The following CMTM4 variants were observed in gnomAD, a reference collection of about 807,000 sequenced individuals.
The protein encoded by CMTM4 is CKLF-like MARVEL transmembrane domain-containing protein 4.
A neutral mutation model predicts 19.0 loss-of-function variants in CMTM4; 8 were observed. The ratio of observed to expected loss-of-function variants is 0.42; its 90% CI spans 0.25 to 0.76. CMTM4 has a LOEUF of 0.76. Among genes scored for constraint, CMTM4 ranks in the 30% least tolerant of loss-of-function variants. CMTM4 has a pLI of 0.27. For synonymous variants in CMTM4, 106 were observed against 121.1 expected (o/e 0.88, Z 0.82); for missense variants, 228 against 290.2 (o/e 0.79, Z 1.56).
chr16:66,641,169 C>T (rs1018338392), intron 1 of CMTM4, among the ~76,000 whole-genome samples: 3 of 152,248 alleles, frequency 2.0e-5, no homozygotes, highest in Admixed American at 6.5e-5. Flanking sequence ...CTCAAACTTT[C>T]GAGTAGCTGG....
chr16:66,696,238 G>A lies in CMTM4; in HGVS notation c.186+102C>T. The A allele has an allele frequency of 4.7e-6, 4 of 848,646 alleles. No homozygotes were observed. Among genetic ancestry groups the A allele is most frequent in the Non-Finnish European group, 6.2e-6 (4 of 641,812 alleles). 52.6% of individuals were successfully genotyped at this position (848,646 alleles called of 1,614,324 possible). On this transcript the variant is annotated intron_variant, in intron 1 of 3. Transcript: ENST00000394106. The surrounding 1 kb of genome is among the most constrained non-coding windows in gnomAD (Gnocchi z 4.3). ...GAGGGGGCGCGAGGAGCGGGCTCCG[G>A]CCTGGGCAAGCGGGTACGCGGCGGA...
chr16:66,666,429 G>C (rs763716165), intron 1 of CMTM4, among the ~76,000 whole-genome samples: 55 of 152,010 alleles, frequency 3.6e-4, no homozygotes, highest in Non-Finnish European at 7.1e-4. Context: ...CTCCAGCCTG[G>C]GCGACAGAGC....
In CMTM4 at chr16:66,659,792, G is replaced by A. The variant is rs183690847; in HGVS notation, c.187-23211C>T. ...TATTACAACAAAAAAGGAGGGGAGC[G>A]TTGATTAAACAAAAATGCAAAATGG... On this transcript the variant is annotated intron_variant, in intron 1 of 3. Transcript: ENST00000394106. Among the ~76,000 whole-genome samples the A allele has an allele frequency of 5.2e-3, 796 of 152,264 alleles. 4 individuals carry two copies. Among genetic ancestry groups the A allele is most frequent in the Non-Finnish European group, 9.0e-3 (610 of 68,010 alleles).
chr16:66,619,448 C>T lies in CMTM4; in HGVS notation c.*2610G>A. 2 of 985,444 alleles carry T rather than the reference C, an allele frequency of 2.0e-6. No individual in the cohort carries two copies. Among genetic ancestry groups the T allele is most frequent in the Non-Finnish European group, 2.4e-6 (2 of 829,940 alleles). 61.0% of individuals were successfully genotyped at this position (985,444 alleles called of 1,614,324 possible). ...CGTCCCACCAGAACACTGAGAAAAA[C>T]TAAGGTCGCTCAGCCTTCAAATGCC... is the stretch of plus-strand genomic sequence containing the variant. On this transcript the variant is annotated 3_prime_UTR_variant, in exon 4 of 4. Coordinates refer to ENST00000394106, the MANE Select transcript of CMTM4 (RefSeq NM_181521.3).
At chr16:66,665,974 A>C (rs1344383270) in intron 1 of CMTM4, among the ~76,000 whole-genome samples, 1 of 152,256 alleles carries the variant, frequency 6.6e-6, no homozygotes, top group East Asian at 1.9e-4. Context: ...TGGGAGGCTC[A>C]GGCAGGAGAA....
chr16:66,679,974 C>T lies in CMTM4; in HGVS notation c.186+16366G>A, dbSNP rs1268994389. Reference sequence around the variant, plus strand: ...CCCCACCAGCTAGCCAGTTATTGACCCCAATAGGCTTCTGTTTCTGCATCT... The same window carrying T: ...CCCCACCAGCTAGCCAGTTATTGACTCCAATAGGCTTCTGTTTCTGCATCT... On this transcript the variant is annotated intron_variant, in intron 1 of 3. Coordinates refer to ENST00000394106, the MANE Select transcript of CMTM4 (RefSeq NM_181521.3). 2.0e-5 allele frequency among the ~76,000 whole-genome samples: 3 copies of T among 152,082 alleles called. No homozygotes were observed. The South Asian group carries it at 6.2e-4, about 32-fold the overall frequency.
intron 2 of CMTM4, among the ~76,000 whole-genome samples, chr16:66,631,682 G>A (rs1269720312): frequency 6.6e-6 from 1 of 152,104 alleles, no homozygotes; most frequent in African/African-American, 2.4e-5. Context: ...AGGGTTAAAT[G>A]GATTAAGGGC....
intron 1 of CMTM4, among the ~76,000 whole-genome samples, chr16:66,685,292 T>C (rs982772269): frequency 6.6e-6 from 1 of 152,140 alleles, no homozygotes; most frequent in Non-Finnish European, 1.5e-5. Flanking sequence ...CAAAAGCATT[T>C]GGGGTTACTT....
At chr16:66,627,696 T>C (rs1366860015) in intron 2 of CMTM4, among the ~76,000 whole-genome samples, 1 of 152,116 alleles carries the variant, frequency 6.6e-6, no homozygotes, top group Non-Finnish European at 1.5e-5. Flanking sequence ...ACAAATAGAA[T>C]GACATAACAT....
chr16:66,602,852 G>A, the CMTM4 span, among the ~76,000 whole-genome samples: 2 of 152,154 alleles, frequency 1.3e-5, no homozygotes, highest in Admixed American at 1.3e-4. Flanking sequence ...CAGACCCAAG[G>A]AGCCAATTTT....
At chr16:66,611,108 C>T (rs569270638), downstream of CMTM4, 20 of 383,930 alleles carry the variant, frequency 5.2e-5, no homozygotes, top group East Asian at 5.2e-4. Context: ...GAGAGTTTCA[C>T]ATATGTAACA....
intron 1 of CMTM4, among the ~76,000 whole-genome samples, chr16:66,649,316 C>T (rs1455220231): frequency 3.3e-5 from 5 of 152,098 alleles, no homozygotes; most frequent in African/African-American, 1.2e-4. Flanking sequence ...CAAGTACCAT[C>T]CCTTTATTCA....
chr16:66,600,136 G>GTGGTTTTTTTTTTTTTTTTTTTTTT, the CMTM4 span, among the ~76,000 whole-genome samples: 2 of 135,154 alleles, frequency 1.5e-5, no homozygotes, highest in Admixed American at 7.8e-5. Context: ...GTGTGTGTGT[G>GTGGTTTTTTTTTTTTTTTTTTTTTT]TTTTTTTTTG....
chr16:66,636,746 A>G (rs1176080787), intron 1 of CMTM4, among the ~76,000 whole-genome samples, 165 bp from the exon 2 acceptor site: 1 of 152,132 alleles, frequency 6.6e-6, no homozygotes, highest in East Asian at 1.9e-4. Context: ...TTCAATTCTT[A>G]CCTAAAGAAT....
At chr16:66,605,016 T>G in the CMTM4 span, 1 of 1,347,206 alleles carries the variant, frequency 7.4e-7, no homozygotes, top group East Asian at 3.2e-5. The surrounding 1 kb of genome is among the most constrained non-coding windows in gnomAD (Gnocchi z 4.6). Flanking sequence ...GAGGAGGACG[T>G]CGGGGCGCGG....
chr16:66,681,565 A>G (rs1414285755), intron 1 of CMTM4, among the ~76,000 whole-genome samples: 2 of 152,146 alleles, frequency 1.3e-5, no homozygotes, highest in African/African-American at 4.8e-5. Flanking sequence ...TGGCCTCCCA[A>G]AGTGCTGGGA....
chr16:66,606,482 G>A, the CMTM4 span, among the ~76,000 whole-genome samples: 1 of 151,976 alleles, frequency 6.6e-6, no homozygotes, highest in Non-Finnish European at 1.5e-5. Context: ...AAGGCCATGT[G>A]CAGAGCAAAT....
intron 2 of CMTM4, among the ~76,000 whole-genome samples, chr16:66,631,654 C>T (rs1032569810): frequency 6.6e-6 from 1 of 152,134 alleles, no homozygotes; most frequent in Non-Finnish European, 1.5e-5. Context: ...CTCTCTGAAA[C>T]ATGTGCTGTG....
Position 66,696,485 on chromosome 16 carries a change from G to A in CMTM4, c.41C>T (p.Ala14Val). The change falls in exon 1 of 4, where the codon GCC (alanine) becomes GTC (valine). Residue 14 changes from alanine (A) to valine (V), a missense_variant. Ala to Val is a moderately conservative substitution (Grantham distance 64). This residue lies in a region of CMTM4 where 21 missense variants were observed against 43.1 expected (regional missense o/e 0.49). Coordinates refer to ENST00000394106, the MANE Select transcript of CMTM4 (RefSeq NM_181521.3). This position sits in a 1 kb window ranked among gnomAD's most constrained non-coding sequence, Gnocchi z 4.3. ...GEELDGFEGEASSTSMISGAS... is the reference protein window; with the variant it reads ...GEELDGFEGEVSSTSMISGAS... ...GCCCGAGATCATGGAGGTGCTCGAG[G>A]CCTCGCCCTCGAAGCCGTCCAGCTC... 3 of 1,264,444 alleles carry A rather than the reference G, an allele frequency of 2.4e-6. No individual in the cohort carries two copies. The highest frequency in any genetic ancestry group is 2.0e-6 in the Non-Finnish European group (2 of 1,002,584). 78.3% of individuals were successfully genotyped at this position (1,264,444 alleles called of 1,614,324 possible).
Sources: allele counts gnomAD v4.1 joint callset (sites outside exome capture counted in the v4.1 genomes callset), GRCh38; gene constraint gnomAD v4.1.1; regional missense constraint gnomAD v4.1.1; non-coding constraint Gnocchi (gnomAD v3.1); transcripts MANE v1.5; gene names NCBI Gene and HGNC (gene_info 2026-07-23, HGNC 2026-07-21).